PDE4D: variants seen among roughly 807,000 people sequenced by gnomAD.
The protein encoded by PDE4D is 3',5'-cyclic-AMP phosphodiesterase 4D.
In PDE4D, 24 loss-of-function variants were observed where a neutral mutation model predicts 87.4. That is an observed-to-expected ratio of 0.27 (90% CI 0.20 to 0.39). The LOEUF (loss-of-function observed/expected upper bound fraction) is 0.39. PDE4D is among the 10% of genes least tolerant of loss of function. The pLI, the probability that PDE4D is intolerant of heterozygous loss-of-function variation, is 1.00. For synonymous variants in PDE4D, 384 were observed against 383.2 expected (o/e 1.00, Z -0.02); for missense variants, 714 against 1,041.0 (o/e 0.69, Z 4.32).
At chr5:59,123,022 G>GT (rs1041221866) in intron 5 of PDE4D, among the ~76,000 whole-genome samples, 17 of 149,598 alleles carry the variant, frequency 1.1e-4, no homozygotes, top group South Asian at 4.3e-4. Context: ...TGCATTCTCT[G>GT]TTTTTTTTGT....
chr5:59,003,203 C>A (rs1448266490), intron 6 of PDE4D, among the ~76,000 whole-genome samples: 1 of 152,180 alleles, frequency 6.6e-6, no homozygotes, highest in Non-Finnish European at 1.5e-5. Context: ...CAGCCGCAGC[C>A]TGTTACTTCA....
At chr5:60,288,161 TC>T (rs1752583788) in intron 1 of PDE4D, among the ~76,000 whole-genome samples, 1 of 152,240 alleles carries the variant, frequency 6.6e-6, no homozygotes, top group Non-Finnish European at 1.5e-5. Context: ...GACTAACTAC[TC>T]CAAGCATTTT....
chr5:60,289,874 G>A (rs1343685836), intron 1 of PDE4D, among the ~76,000 whole-genome samples: 1 of 152,178 alleles, frequency 6.6e-6, no homozygotes, highest in Non-Finnish European at 1.5e-5. Context: ...AATCACCTTA[G>A]AGACACTGCA....
chr5:60,145,041 T>C (rs1230846209), intron 2 of PDE4D, among the ~76,000 whole-genome samples: 6 of 152,216 alleles, frequency 3.9e-5, no homozygotes, highest in African/African-American at 1.4e-4. Context: ...TGGACTTGTA[T>C]CTGAAACAAA....
chr5:60,240,366 G>A (rs1746953023), intron 1 of PDE4D, among the ~76,000 whole-genome samples: 1 of 151,998 alleles, frequency 6.6e-6, no homozygotes, highest in South Asian at 2.1e-4. Context: ...GTGGGTTAGG[G>A]CAACAAGCAG....
At chr5:60,098,530 T>G (rs1383256224) in intron 2 of PDE4D, among the ~76,000 whole-genome samples, 2 of 152,008 alleles carry the variant, frequency 1.3e-5, no homozygotes, top group African/African-American at 4.8e-5. Context: ...ATTTTATTAT[T>G]TTCATGCTAT....
intron 2 of PDE4D, among the ~76,000 whole-genome samples, chr5:59,195,876 A>G (rs1222947728): frequency 1.3e-5 from 2 of 152,230 alleles, no homozygotes; most frequent in Non-Finnish European, 2.9e-5. Flanking sequence ...AGGAAATTGC[A>G]AAGACTCAGA....
Position 58,975,189 on chromosome 5 carries a change from AAACTT to A in PDE4D, c.2014-114_2014-110del. On this transcript the variant is annotated intron_variant, in intron 14 of 14. Transcript: ENST00000340635. The surrounding 1 kb of genome is among the most constrained non-coding windows in gnomAD (Gnocchi z 4.2). ...ATAAAACACTGAACAGAAGACTACT[AAACTT>A]AGTTTGGTAAAATTGTCACTATTTT... The A allele has an allele frequency of 1.7e-6, 1 of 597,966 alleles. No individual in the cohort carries two copies. Among genetic ancestry groups the A allele is most frequent in the Non-Finnish European group, 2.7e-6 (1 of 376,710 alleles). The allele number at this position is 597,966 out of a possible 1,614,324, so 37.0% of individuals were successfully genotyped here.
At chr5:59,704,215 A>G (rs1321033433) in intron 1 of PDE4D, among the ~76,000 whole-genome samples, 3 of 152,198 alleles carry the variant, frequency 2.0e-5, no homozygotes, top group Admixed American at 2.0e-4. Flanking sequence ...AACCCGTCGT[A>G]TTTAACAATA....
At chr5:59,323,655 C>T (rs559611579) in intron 1 of PDE4D, among the ~76,000 whole-genome samples, 1 of 152,126 alleles carries the variant, frequency 6.6e-6, no homozygotes, top group South Asian at 2.1e-4. Flanking sequence ...TCACCTCTCT[C>T]CAGCCCCACT....
At chr5:60,306,029 T>C (rs989899069) in intron 1 of PDE4D, among the ~76,000 whole-genome samples, 2 of 152,076 alleles carry the variant, frequency 1.3e-5, no homozygotes, top group Non-Finnish European at 2.9e-5. Context: ...AAAATACTTT[T>C]GTAAAAAGTT....
intron 1 of PDE4D, among the ~76,000 whole-genome samples, chr5:59,658,307 AT>A (rs1744702516): frequency 6.6e-6 from 1 of 152,112 alleles, no homozygotes; most frequent in Non-Finnish European, 1.5e-5. Context: ...GAAAGTGTTG[AT>A]CCTGGGTTGC....
intron 1 of PDE4D, among the ~76,000 whole-genome samples, chr5:60,310,086 C>G (rs1754869829): frequency 6.6e-6 from 1 of 152,122 alleles, no homozygotes. Flanking sequence ...GAATAGCTAG[C>G]ACCTTACCAC....
At position 59,889,834 on chromosome 5, in the gene PDE4D, G is replaced by A. The variant is rs571948199; in HGVS notation, c.455+3334C>T. On this transcript the variant is annotated intron_variant, in intron 1 of 14. Coordinates refer to ENST00000340635, the MANE Select transcript of PDE4D (RefSeq NM_001104631.2). The stretch of plus-strand genomic sequence containing the variant: ...TGGTAACTTAGAGACTCATTTCTCT[G>A]GTAATTTTATTGTTTGAAATTTCTT... 1.9e-3 allele frequency among the ~76,000 whole-genome samples: 290 copies of A among 152,020 alleles called. 1 individual carries two copies. Among genetic ancestry groups the A allele is most frequent in the African/African-American group, 6.7e-3 (279 of 41,470 alleles).
At chr5:59,021,590 C>T (rs2153376202) in intron 6 of PDE4D, among the ~76,000 whole-genome samples, 1 of 152,276 alleles carries the variant, frequency 6.6e-6, no homozygotes, top group African/African-American at 2.4e-5. Flanking sequence ...TAAGTTTTCA[C>T]TTAATTTTCA....
intron 3 of PDE4D, among the ~76,000 whole-genome samples, chr5:59,939,332 T>C (rs1015431552): frequency 1.3e-5 from 2 of 152,192 alleles, no homozygotes; most frequent in African/African-American, 4.8e-5. Flanking sequence ...GGTCTTCATT[T>C]ATTCTACACT....
chr5:59,193,866 G>A, intron 2 of PDE4D: 1 of 764,814 alleles, frequency 1.3e-6, no homozygotes, highest in South Asian at 5.9e-5. Context: ...TCTTACTGTA[G>A]ATATTAGTAA....
chr5:60,093,773 G>A (rs993547678), intron 2 of PDE4D, among the ~76,000 whole-genome samples: 1 of 134,502 alleles, frequency 7.4e-6, no homozygotes, highest in Non-Finnish European at 1.6e-5. Flanking sequence ...ATTTTTAACT[G>A]GGCAAATGTA....
At chr5:58,997,335 A>AT (rs1749454173) in intron 6 of PDE4D, among the ~76,000 whole-genome samples, 2 of 152,146 alleles carry the variant, frequency 1.3e-5, no homozygotes, top group South Asian at 4.1e-4. Context: ...GCACTAGATC[A>AT]TTCAACAAAC....
Sources: gnomAD v4.1 joint callset for allele counts (sites outside exome capture counted in the v4.1 genomes callset) on GRCh38, gnomAD v4.1.1 for gene constraint, Gnocchi (gnomAD v3.1) non-coding constraint, MANE v1.5 for transcripts, NCBI Gene and HGNC (gene_info 2026-07-23, HGNC 2026-07-21) for gene names.